OLFM3: variants seen among roughly 807,000 people sequenced by gnomAD.
OLFM3 encodes olfactomedin 3.
OLFM3 carries 20 observed loss-of-function variants against 48.6 expected under a neutral mutation model. The observed-to-expected ratio is 0.41, with a 90% confidence interval of 0.29 to 0.60. The LOEUF (loss-of-function observed/expected upper bound fraction) is 0.60. OLFM3 is among the 20% of genes least tolerant of loss of function. The pLI is 0.28. For synonymous variants in OLFM3, 222 were observed against 198.1 expected, an observed-to-expected ratio of 1.12 and a Z score of -1.01; for missense variants, 437 against 544.3, an observed-to-expected ratio of 0.80 and a Z score of 1.96.
At chr1:101,988,737 GC>G (rs1661317795) in intron 1 of OLFM3, among the ~76,000 whole-genome samples, 2 of 152,126 alleles carry the variant, frequency 1.3e-5, no homozygotes, top group Admixed American at 1.3e-4. Context: ...ATAGGATAGT[GC>G]CCAAAGCACT....
At chr1:101,958,988 T>G (rs1484913883) in intron 1 of OLFM3, among the ~76,000 whole-genome samples, 4 of 151,996 alleles carry the variant, frequency 2.6e-5, no homozygotes, top group Non-Finnish European at 5.9e-5. Context: ...ACAATAGATT[T>G]GCAGAACTTA....
chr1:101,956,775 A>G (rs1660309599), intron 1 of OLFM3, among the ~76,000 whole-genome samples: 1 of 151,950 alleles, frequency 6.6e-6, no homozygotes, highest in Non-Finnish European at 1.5e-5. Context: ...TGTAACTACA[A>G]CTGGACAGAT....
At chr1:101,827,549 A>T (rs1369760579) in intron 3 of OLFM3, among the ~76,000 whole-genome samples, 1 of 151,994 alleles carries the variant, frequency 6.6e-6, no homozygotes, top group Non-Finnish European at 1.5e-5. Flanking sequence ...TTCAATATTG[A>T]ATTTACTTTG....
chr1:101,917,278 G>A (rs928271841), intron 1 of OLFM3, among the ~76,000 whole-genome samples: 2 of 152,144 alleles, frequency 1.3e-5, no homozygotes, highest in African/African-American at 4.8e-5. Flanking sequence ...CATAGTTTAT[G>A]TAAATAAGCA....
chr1:101,880,139 A>G (rs1267269272), intron 1 of OLFM3, among the ~76,000 whole-genome samples: 1 of 151,918 alleles, frequency 6.6e-6, no homozygotes, highest in Non-Finnish European at 1.5e-5. Context: ...ATGAAAATTC[A>G]CACTACATAA....
intron 1 of OLFM3, among the ~76,000 whole-genome samples, chr1:101,995,075 G>A (rs1400537732): frequency 6.6e-6 from 1 of 152,038 alleles, no homozygotes; most frequent in Non-Finnish European, 1.5e-5. Flanking sequence ...AGATATTTAT[G>A]CATCAAAGAT....
At position 101,804,767 on chromosome 1, in the gene OLFM3, T is replaced by C; in HGVS notation, c.848A>G (p.Tyr283Cys). The C allele has an allele frequency of 6.2e-7, 1 of 1,612,708 alleles. No homozygotes were observed. Among genetic ancestry groups the C allele is most frequent in the Non-Finnish European group, 8.5e-7 (1 of 1,179,172 alleles). Residue 283 changes from tyrosine to cysteine, a missense_variant, in exon 6 of 6, where the codon TAT (tyrosine) becomes TGT (cysteine). This residue lies in a region of OLFM3 where 314 missense variants were observed against 365.5 expected (regional missense o/e 0.86). Transcript: ENST00000370103. The surrounding 1 kb of genome is among the most constrained non-coding windows in gnomAD (Gnocchi z 4.5). ...GATATTACTCTGATACTTGTTAAAATAGAGTGAGCCATTGTAGACAACATG... is the reference window on the plus strand; with the variant it reads ...GATATTACTCTGATACTTGTTAAAACAGAGTGAGCCATTGTAGACAACATG... ...TNHVVYNGSL[Y>C]FNKYQSNIII...
At chr1:101,948,038 C>T (rs1202066513) in intron 1 of OLFM3, among the ~76,000 whole-genome samples, 20 of 151,808 alleles carry the variant, frequency 1.3e-4, no homozygotes, top group Non-Finnish European at 2.6e-4. Flanking sequence ...TCTGAAAATT[C>T]AAATGAAAAC....
intron 4 of OLFM3, among the ~76,000 whole-genome samples, chr1:101,811,218 C>A (rs961758800): frequency 6.6e-6 from 1 of 151,930 alleles, no homozygotes; most frequent in Non-Finnish European, 1.5e-5. Flanking sequence ...AATTACCAAG[C>A]GGAAACACAA....
At chr1:101,926,665 A>T (rs1013648526) in intron 1 of OLFM3, among the ~76,000 whole-genome samples, 1 of 152,092 alleles carries the variant, frequency 6.6e-6, no homozygotes, top group South Asian at 2.1e-4. Flanking sequence ...CTCCCTGGTC[A>T]CCTCCCTGAG....
chr1:101,890,354 GAC>G lies in OLFM3; in HGVS notation c.70-53331_70-53330del, dbSNP rs3079207. Among the ~76,000 whole-genome samples the G allele has an allele frequency of 6.0e-5, 9 of 150,504 alleles. No homozygotes were observed. In the South Asian group the frequency reaches 6.3e-4, roughly 10 times the overall value. ...ACCTTAAAACACAATTATGCCTATA[GAC>G]ACACACACACACACACATACACACA... On this transcript the variant is annotated intron_variant, in intron 1 of 5. Coordinates refer to ENST00000370103, the MANE Select transcript of OLFM3 (RefSeq NM_058170.4).
At chr1:101,830,552 T>C in intron 3 of OLFM3, 120 bp downstream of exon 3, 1 of 1,006,916 alleles carries the variant, frequency 9.9e-7, no homozygotes, top group South Asian at 1.4e-5. Flanking sequence ...AAATCCCCCA[T>C]GAGTCTTTTA....
intron 1 of OLFM3, among the ~76,000 whole-genome samples, chr1:101,974,498 T>G (rs182276527): frequency 6.6e-6 from 1 of 152,318 alleles, no homozygotes; most frequent in African/African-American, 2.4e-5. Flanking sequence ...TTTTTAGTTT[T>G]AGACATTGTA....
At chr1:101,944,771 T>G (rs1570653356) in intron 1 of OLFM3, among the ~76,000 whole-genome samples, 1 of 151,750 alleles carries the variant, frequency 6.6e-6, no homozygotes, top group South Asian at 2.1e-4. Context: ...TCCCAGCTAC[T>G]CAGGAGGCTG....
intron 1 of OLFM3, among the ~76,000 whole-genome samples, chr1:101,966,174 A>G (rs1481042001): frequency 2.0e-5 from 3 of 151,564 alleles, no homozygotes; most frequent in Non-Finnish European, 4.4e-5. Context: ...ATTTTTATTT[A>G]TTACTTTATT....
intron 4 of OLFM3, among the ~76,000 whole-genome samples, chr1:101,818,467 A>G (rs1447251288): frequency 6.6e-6 from 1 of 152,184 alleles, no homozygotes; most frequent in Non-Finnish European, 1.5e-5. Flanking sequence ...TTTTGGGAAG[A>G]GCAAGACTGT....
intron 4 of OLFM3, among the ~76,000 whole-genome samples, chr1:101,815,478 G>C (rs1359754003): frequency 6.6e-6 from 1 of 151,670 alleles, no homozygotes; most frequent in Non-Finnish European, 1.5e-5. Context: ...AAGGTTATCA[G>C]GCTGATTTAG....
At chr1:101,866,520 T>C (rs1381418624) in intron 1 of OLFM3, among the ~76,000 whole-genome samples, 2 of 152,102 alleles carry the variant, frequency 1.3e-5, no homozygotes, top group Non-Finnish European at 2.9e-5. Context: ...GTTTGTTAAA[T>C]GTCAAGGTAT....
Position 101,872,740 on chromosome 1 carries a change from G to C in OLFM3, c.70-35715C>G, listed in dbSNP as rs76205389. ...AACATGAAATGGGGATTAAAATTTT[G>C]CATCTAATTACTATATTTTAGTAAT... On this transcript the variant is annotated intron_variant, in intron 1 of 5. Transcript: ENST00000370103. 4.2e-4 allele frequency among the ~76,000 whole-genome samples: 64 copies of C among 151,960 alleles called. No individual in the cohort carries two copies. The East Asian group carries it at 9.3e-3, about 22-fold the overall frequency.
Sources: allele counts gnomAD v4.1 joint callset (sites outside exome capture counted in the v4.1 genomes callset), GRCh38; gene constraint gnomAD v4.1.1; regional missense constraint gnomAD v4.1.1; non-coding constraint Gnocchi (gnomAD v3.1); transcripts MANE v1.5; gene names NCBI Gene and HGNC (gene_info 2026-07-23, HGNC 2026-07-21).